The following CSMD1 variants were observed in gnomAD, a reference collection of about 807,000 sequenced individuals.
CSMD1 encodes the protein CUB and Sushi multiple domains 1.
In CSMD1, 213 loss-of-function variants were observed where a neutral mutation model predicts 417.5. The observed-to-expected ratio is 0.51, with a 90% CI of 0.46 to 0.57. The LOEUF is 0.57. CSMD1 is among the 20% of genes least tolerant of loss of function. CSMD1 has a pLI of 0.00. For missense variants in CSMD1, 6,923 were observed against 4,529.7 expected (o/e 1.53, Z -15.17); for synonymous variants, 2,862 against 1,736.8 (o/e 1.65, Z -16.11).
In CSMD1 at chr8:4,905,602, G is replaced by T. The variant is rs527677133; in HGVS notation, c.85+88730C>A. On this transcript the variant is annotated intron_variant, in intron 1 of 69. Coordinates refer to ENST00000635120, the MANE Select transcript of CSMD1 (RefSeq NM_033225.6). ...TGGGAGGCCAAGGTGGGCCCATCAC[G>T]AGGTCATGAGATCGAGGCCATCCTG... Among the ~76,000 whole-genome samples the T allele has an allele frequency of 9.3e-4, 141 of 151,810 alleles. No homozygotes were observed. In the East Asian group the frequency reaches 0.023, roughly 25 times the overall value.
intron 1 of CSMD1, among the ~76,000 whole-genome samples, chr8:4,939,450 G>A (rs960426129): frequency 6.6e-6 from 1 of 152,154 alleles, no homozygotes; most frequent in African/African-American, 2.4e-5. Context: ...TATACCTAAT[G>A]GAGTACTATT....
chr8:3,353,018 G>A (rs758977801), intron 21 of CSMD1, among the ~76,000 whole-genome samples: 1 of 152,208 alleles, frequency 6.6e-6, no homozygotes, highest in South Asian at 2.1e-4. Flanking sequence ...ACACAGGTGT[G>A]AGAGGGAAAC....
At chr8:3,625,593 T>C (rs1796453611) in intron 7 of CSMD1, among the ~76,000 whole-genome samples, 1 of 152,078 alleles carries the variant, frequency 6.6e-6, no homozygotes, top group Non-Finnish European at 1.5e-5. Flanking sequence ...TAGTAATTTA[T>C]TTTTAAAAAA....
At chr8:4,676,180 AC>A (rs1488224293) in intron 1 of CSMD1, among the ~76,000 whole-genome samples, 1 of 152,168 alleles carries the variant, frequency 6.6e-6, no homozygotes, top group Non-Finnish European at 1.5e-5. Context: ...AAGGTCATAG[AC>A]CCTGACCTAG....
intron 5 of CSMD1, among the ~76,000 whole-genome samples, chr8:3,865,570 C>G (rs17067793): frequency 0.1 from 15,274 of 152,026 alleles, 798 homozygotes; most frequent in South Asian, 0.16. Flanking sequence ...AGTGGGAAGC[C>G]GCAGGAGAAT....
intron 1 of CSMD1, among the ~76,000 whole-genome samples, chr8:4,941,703 A>T (rs893698354): frequency 2.6e-5 from 4 of 152,026 alleles, no homozygotes; most frequent in African/African-American, 9.7e-5. Context: ...AGCTCAAGCA[A>T]TTCTCTCGCC....
chr8:3,895,835 G>C (rs11997878), intron 5 of CSMD1, among the ~76,000 whole-genome samples: 85,973 of 152,066 alleles, frequency 0.57, 27,621 homozygotes, highest in Admixed American at 0.71. Flanking sequence ...GCTCTGACCT[G>C]GCTTGTTCCC....
chr8:4,545,219 G>C lies in CSMD1; in HGVS notation c.302+92123C>G, dbSNP rs184839824. ...GAACAATGGAATTTGCATTTTCTTA[G>C]TCATAAAATGGGAGGTGCAGTAATG... On this transcript the variant is annotated intron_variant, in intron 2 of 69. Transcript: ENST00000635120. Among the ~76,000 whole-genome samples the C allele has an allele frequency of 3.9e-5, 6 of 152,292 alleles. No individual in the cohort carries two copies. The East Asian group carries it at 5.8e-4, about 15-fold the overall frequency.
chr8:4,662,978 C>G (rs769819575), intron 1 of CSMD1, among the ~76,000 whole-genome samples: 5 of 152,166 alleles, frequency 3.3e-5, no homozygotes, highest in Non-Finnish European at 7.3e-5. Context: ...ACATGATTTC[C>G]TTTTTCATGT....
At chr8:3,127,636 A>T (rs915984634) in intron 41 of CSMD1, 2 of 152,218 alleles carry the variant, frequency 1.3e-5, no homozygotes, top group Admixed American at 1.3e-4. Flanking sequence ...GATTATCTTT[A>T]AAAATGGTGT....
At chr8:2,987,324 G>C (rs1185926411) in intron 54 of CSMD1, among the ~76,000 whole-genome samples, 1 of 150,236 alleles carries the variant, frequency 6.7e-6, no homozygotes, top group Non-Finnish European at 1.5e-5. Context: ...AGAGTCCATA[G>C]GAATTATATG....
At chr8:4,112,616 C>G (rs7015737) in intron 3 of CSMD1, among the ~76,000 whole-genome samples, 19,471 of 152,150 alleles carry the variant, frequency 0.13, 1,575 homozygotes, top group African/African-American at 0.21. Flanking sequence ...GGCTGGTTCT[C>G]AGCAAGCAGG....
chr8:4,476,145 T>C (rs1025925130), intron 2 of CSMD1, among the ~76,000 whole-genome samples: 2 of 152,188 alleles, frequency 1.3e-5, no homozygotes, highest in South Asian at 2.1e-4. Context: ...TAAAAGTCTC[T>C]TGTGTAATCT....
chr8:4,946,489 C>T (rs544575490), intron 1 of CSMD1, among the ~76,000 whole-genome samples: 22 of 152,202 alleles, frequency 1.4e-4, no homozygotes, highest in African/African-American at 5.3e-4. Flanking sequence ...CTACCCTCCC[C>T]AGGTACAATA....
intron 3 of CSMD1, among the ~76,000 whole-genome samples, chr8:4,250,548 T>A (rs1802998065): frequency 6.6e-6 from 1 of 152,116 alleles, no homozygotes. Flanking sequence ...CCCTCAAAAG[T>A]TTAGAATGGA....
chr8:3,587,231 G>C (rs1038158855), intron 8 of CSMD1, among the ~76,000 whole-genome samples: 1 of 152,178 alleles, frequency 6.6e-6, no homozygotes, highest in East Asian at 1.9e-4. Context: ...AACACAAACT[G>C]GACAGCTGCA....
intron 5 of CSMD1, among the ~76,000 whole-genome samples, chr8:3,977,679 G>A (rs1311094169): frequency 1.3e-5 from 2 of 152,268 alleles, no homozygotes; most frequent in Non-Finnish European, 2.9e-5. Context: ...TAAGAATGTG[G>A]TAAATCACCA....
At chr8:4,075,766 C>G (rs2552135) in intron 3 of CSMD1, among the ~76,000 whole-genome samples, 54,384 of 151,854 alleles carry the variant, frequency 0.36, 10,329 homozygotes, top group South Asian at 0.5. Flanking sequence ...AATTTTTCCA[C>G]CCTAGCCAGG....
intron 7 of CSMD1, among the ~76,000 whole-genome samples, chr8:3,639,871 G>A (rs1189071126): frequency 2.6e-5 from 4 of 152,292 alleles, no homozygotes; most frequent in South Asian, 2.1e-4. Flanking sequence ...AAAAATATGT[G>A]ATATGTTCAG....
Sources: allele counts gnomAD v4.1 joint callset (sites outside exome capture counted in the v4.1 genomes callset), GRCh38; gene constraint gnomAD v4.1.1; transcripts MANE v1.5; gene names NCBI Gene and HGNC (gene_info 2026-07-23, HGNC 2026-07-21).